The following CCNJL variants were observed in gnomAD, a reference collection of about 807,000 sequenced individuals.
The protein encoded by CCNJL is cyclin-J-like protein.
Under a neutral mutation model 33.4 loss-of-function variants are expected in CCNJL, and 33 were observed. The ratio of observed to expected loss-of-function variants is 0.99; its 90% CI spans 0.75 to 1.32. The LOEUF is 1.32. Among genes scored for constraint, CCNJL ranks in the 40% most tolerant of loss-of-function variants. CCNJL has a pLI of 0.00. For synonymous variants in CCNJL, 227 were observed against 220.9 expected (o/e 1.03, Z -0.24); for missense variants, 512 against 499.7 (o/e 1.02, Z -0.23).
chr5:160,295,875 A>C (rs1003548455), intron 2 of CCNJL, among the ~76,000 whole-genome samples: 5 of 152,224 alleles, frequency 3.3e-5, no homozygotes, highest in African/African-American at 1.2e-4. Context: ...ACGTTGTCAC[A>C]GTAGCCCTAG....
At chr5:160,304,173 G>A (rs1382481640) in intron 2 of CCNJL, among the ~76,000 whole-genome samples, 1 of 152,162 alleles carries the variant, frequency 6.6e-6, no homozygotes, top group Non-Finnish European at 1.5e-5. Flanking sequence ...ACTGGGTATC[G>A]TGCACACACT....
chr5:160,311,199 C>T (rs181258580), intron 2 of CCNJL, among the ~76,000 whole-genome samples: 3 of 152,224 alleles, frequency 2.0e-5, no homozygotes, highest in Admixed American at 2.0e-4. Flanking sequence ...CTGCTCCCAC[C>T]CACCTTCTGC....
At chr5:160,316,011 T>C (rs540894572), upstream of CCNJL, among the ~76,000 whole-genome samples, 2 of 152,168 alleles carry the variant, frequency 1.3e-5, no homozygotes, top group Non-Finnish European at 2.9e-5. Context: ...GCTTTGGGCT[T>C]TTCTCCAGGG....
chr5:160,306,760 G>T (rs1056884493), intron 2 of CCNJL, among the ~76,000 whole-genome samples: 4 of 152,186 alleles, frequency 2.6e-5, no homozygotes, highest in African/African-American at 9.6e-5. Flanking sequence ...CTACTTTGCT[G>T]CTCAGAAAAT....
At chr5:160,268,464 C>A (rs1175733441) in intron 3 of CCNJL, among the ~76,000 whole-genome samples, 1 of 152,214 alleles carries the variant, frequency 6.6e-6, no homozygotes, top group African/African-American at 2.4e-5. Context: ...CTTAGAACAG[C>A]ACCCTTTGTA....
At position 160,250,689 on chromosome 5, in the gene CCNJL, G is replaced by A. The variant is rs1177297730; in HGVS notation, c.*2689C>T. 6.6e-6 allele frequency: 1 copy of A among 152,204 alleles called. No individual in the cohort carries two copies. The highest frequency in any genetic ancestry group is 1.5e-5 in the Non-Finnish European group (1 of 68,036). The allele number at this position is 152,204 out of a possible 1,614,324, so 9.4% of individuals were successfully genotyped here. A position where few individuals can be genotyped will look rare whatever the true frequency, so the allele number is the denominator to read the frequency against. ...ATTCTACATATACATATTTTGACAT[G>A]TAACGCTTCTGAAATCAGAATGCAA... is the stretch of plus-strand genomic sequence containing the variant. On this transcript the variant is annotated 3_prime_UTR_variant, in exon 6 of 6. Transcript: ENST00000257536.
chr5:160,332,537 C>T (rs897528847), intron 1 of CCNJL, among the ~76,000 whole-genome samples: 1 of 152,144 alleles, frequency 6.6e-6, no homozygotes, highest in Non-Finnish European at 1.5e-5. Context: ...CCTGTCTGAC[C>T]TCATCTTCTC....
intron 2 of CCNJL, among the ~76,000 whole-genome samples, chr5:160,295,973 C>T (rs951259544): frequency 1.3e-5 from 2 of 152,188 alleles, no homozygotes; most frequent in African/African-American, 4.8e-5. Context: ...TACAAGTTCT[C>T]CGCTTGAGCC....
rs375710423 is a variant in CCNJL, at chr5:160,253,394, C to G, written c.1148G>C (p.Gly383Ala). 282 of 1,583,372 alleles carry G rather than the reference C, an allele frequency of 1.8e-4. No homozygotes were observed. Among genetic ancestry groups the G allele is most frequent in the Non-Finnish European group, 2.3e-4 (267 of 1,162,134 alleles). ...GGAGGTGGCCTATCTGTCAAAGCAG[C>G]CGGTGGGGAACATGTGGCTCCCACT... ...YFSGSHMFPT[G>A]CFDR is the part of the protein sequence containing the mutation. The change falls in exon 6 of 6, where the codon GGC (glycine) becomes GCC (alanine). Residue 383 changes from glycine to alanine, a missense_variant. Gly to Ala is a moderately conservative substitution (Grantham distance 60). Transcript: ENST00000257536.
intron 3 of CCNJL, among the ~76,000 whole-genome samples, chr5:160,266,534 T>C (rs1203009027): frequency 6.6e-6 from 1 of 152,144 alleles, no homozygotes; most frequent in East Asian, 1.9e-4. Flanking sequence ...AAGTGCCAGT[T>C]TCCCATCCTC....
At chr5:160,337,690 G>A (rs958076809) in intron 1 of CCNJL, among the ~76,000 whole-genome samples, 2 of 152,146 alleles carry the variant, frequency 1.3e-5, no homozygotes, top group African/African-American at 4.8e-5. Context: ...GTTACATTTT[G>A]TGCCATTGGA....
chr5:160,299,215 C>A (rs1344752271), intron 2 of CCNJL, among the ~76,000 whole-genome samples: 1 of 151,942 alleles, frequency 6.6e-6, no homozygotes, highest in Non-Finnish European at 1.5e-5. Context: ...AATGGCGTGA[C>A]CTCGGCTCAC....
At position 160,323,930 on chromosome 5, in the gene CCNJL, A is replaced by G. The variant is rs58372612; in HGVS notation, n.207-8425T>C. On this transcript the variant is annotated intron_variant and non_coding_transcript_variant, in intron 1 of 7. Coordinates refer to the CCNJL transcript ENST00000377503. ...AAACATTGGCTCTTTCTGGGTTTCA[A>G]GCTCACCTGCATTCCGACGGGGACT... 6.8e-3 allele frequency among the ~76,000 whole-genome samples: 1,031 copies of G among 152,318 alleles called. 7 individuals carry two copies. Among genetic ancestry groups the G allele is most frequent in the African/African-American group, 0.023 (953 of 41,576 alleles).
chr5:160,258,604 CTG>C (rs1278897831), intron 4 of CCNJL: 2 of 1,321,838 alleles, frequency 1.5e-6, no homozygotes, highest in East Asian at 4.6e-5. Context: ...TAGTTGAAGT[CTG>C]TGGATGCAGC....
Position 160,319,686 on chromosome 5 carries a change from G to C in CCNJL, n.207-4181C>G, listed in dbSNP as rs185295109. On this transcript the variant is annotated intron_variant and non_coding_transcript_variant, in intron 1 of 7. Transcript: ENST00000377503. The stretch of plus-strand genomic sequence containing the variant: ...TGACTCAAGTCTGGAATCCCAGTAC[G>C]TTGGGAGGCTGAGGTGGGAGGATCA... 3.9e-3 allele frequency among the ~76,000 whole-genome samples: 598 copies of C among 152,262 alleles called. 2 individuals are homozygous for C. The highest frequency in any genetic ancestry group is 0.027 in the Middle Eastern group (8 of 294).
chr5:160,303,753 C>A (rs77106435), intron 2 of CCNJL, among the ~76,000 whole-genome samples: 7 of 147,324 alleles, frequency 4.8e-5, no homozygotes, highest in Admixed American at 2.0e-4. Flanking sequence ...TGTAATAACT[C>A]AAAAAGAAAA....
chr5:160,279,137 G>A (rs62377476), intron 3 of CCNJL, among the ~76,000 whole-genome samples: 1 of 152,204 alleles, frequency 6.6e-6, no homozygotes, highest in South Asian at 2.1e-4. Context: ...TGCCCATGGG[G>A]TTTATGGAAG....
chr5:160,275,503 G>A (rs934941972), intron 3 of CCNJL, among the ~76,000 whole-genome samples: 2 of 151,930 alleles, frequency 1.3e-5, no homozygotes, highest in African/African-American at 2.4e-5. Context: ...TGTTTGTTTT[G>A]AGATAGGGTC....
At chr5:160,274,102 G>T (rs1334259554) in intron 3 of CCNJL, among the ~76,000 whole-genome samples, 1 of 152,074 alleles carries the variant, frequency 6.6e-6, no homozygotes, top group Non-Finnish European at 1.5e-5. Flanking sequence ...ATTGGGAAAA[G>T]GATTTTTATT....
Sources: gnomAD v4.1 joint callset for allele counts (sites outside exome capture counted in the v4.1 genomes callset) on GRCh38, gnomAD v4.1.1 for gene constraint, MANE v1.5 for transcripts, NCBI Gene and HGNC (gene_info 2026-07-23, HGNC 2026-07-21) for gene names.